The following FAT3 variants were observed in gnomAD, a reference collection of about 807,000 sequenced individuals.
FAT3 encodes protocadherin Fat 3.
A neutral mutation model predicts 310.2 loss-of-function variants in FAT3; 95 were observed. The ratio of observed to expected loss-of-function variants is 0.31; its 90% CI spans 0.26 to 0.36. The LOEUF (loss-of-function observed/expected upper bound fraction) is 0.36. Among genes scored for constraint, FAT3 ranks in the 10% least tolerant of loss-of-function variants. The pLI, the probability that FAT3 is intolerant of heterozygous loss-of-function variation, is 1.00. For synonymous variants in FAT3, 2,314 were observed against 2,192.9 expected (o/e 1.06, Z -1.54); for missense variants, 5,408 against 5,715.6 (o/e 0.95, Z 1.74).
rs183330814 is a variant in FAT3 at position 92,827,309 on chromosome 11, G to T, written c.9482-4313G>T. Among the ~76,000 whole-genome samples the T allele has an allele frequency of 5.9e-5, 9 of 152,278 alleles. No individual in the cohort carries two copies. The East Asian group carries it at 1.7e-3, about 29-fold the overall frequency. ...CCTTTGTTGATTCTGGCCCACTTAG[G>T]CCCAGGTCCAGCAACTTAATGAGCA... On this transcript the variant is annotated intron_variant, in intron 13 of 27. Coordinates refer to ENST00000525166, the MANE Select transcript of FAT3 (RefSeq NM_001367949.2).
Position 92,846,013 on chromosome 11 carries a change from A to C in FAT3, c.11365+1281A>C, listed in dbSNP as rs76113339. Among the ~76,000 whole-genome samples the C allele has an allele frequency of 1.3e-3, 204 of 152,338 alleles. 1 individual carries two copies. Among genetic ancestry groups the C allele is most frequent in the African/African-American group, 4.7e-3 (197 of 41,574 alleles). ...CTTGTTTAATATGTAAATTAGCTGC[A>C]AAGTAACTCAAAGCATGCATGCTAG... is the stretch of plus-strand genomic sequence containing the variant. On this transcript the variant is annotated intron_variant, in intron 19 of 27. Coordinates refer to ENST00000525166, the MANE Select transcript of FAT3 (RefSeq NM_001367949.2).
chr11:92,331,003 T>TGTGAGAGAGA (rs1280550527), intron 1 of FAT3, among the ~76,000 whole-genome samples: 27 of 133,562 alleles, frequency 2.0e-4, no homozygotes, highest in Admixed American at 1.7e-3. Context: ...TGTGTGTGTG[T>TGTGAGAGAGA]GAGAGAGAGA....
intron 7 of FAT3, among the ~76,000 whole-genome samples, chr11:92,776,623 C>T (rs997165844): frequency 2.0e-5 from 3 of 152,006 alleles, no homozygotes; most frequent in African/African-American, 7.3e-5. Context: ...TTATTTGTGG[C>T]TAGTATACAG....
chr11:92,402,586 A>G (rs1224170103), intron 2 of FAT3, among the ~76,000 whole-genome samples: 1 of 151,784 alleles, frequency 6.6e-6, no homozygotes, highest in Non-Finnish European at 1.5e-5. Context: ...CAAAAAAATT[A>G]GCTGGACATG....
At chr11:92,529,914 T>C (rs1353705572) in intron 3 of FAT3, among the ~76,000 whole-genome samples, 1 of 152,204 alleles carries the variant, frequency 6.6e-6, no homozygotes, top group Non-Finnish European at 1.5e-5. Flanking sequence ...GAGTAAAACA[T>C]AGTTTATGTG....
chr11:92,820,204 T>G (rs1447443612), intron 13 of FAT3, among the ~76,000 whole-genome samples: 1 of 152,174 alleles, frequency 6.6e-6, no homozygotes, highest in Non-Finnish European at 1.5e-5. Flanking sequence ...AGTCTGGGAA[T>G]TTAAGTTCAG....
intron 2 of FAT3, among the ~76,000 whole-genome samples, chr11:92,426,817 C>G (rs1378800204): frequency 6.6e-6 from 1 of 152,288 alleles, no homozygotes; most frequent in East Asian, 1.9e-4. Context: ...CATGATGCCT[C>G]CAGCTTCGTT....
In FAT3 at chr11:92,894,218, T is replaced by TATA. The variant is rs750510768; in HGVS notation, c.*3105_*3106insATA. Reference sequence around the variant, plus strand: ...AGGGGTTATAGAATTCATACATTTCTGTAGACATTCATCGAAATGCTGCTT... The same window carrying TATA: ...AGGGGTTATAGAATTCATACATTTCTATAGTAGACATTCATCGAAATGCTGCTT... On this transcript the variant is annotated 3_prime_UTR_variant, in exon 28 of 28. Transcript: ENST00000525166. 1.3e-5 allele frequency: 2 copies of TATA among 152,252 alleles called. No individual in the cohort carries two copies. Among genetic ancestry groups the TATA allele is most frequent in the Non-Finnish European group, 2.9e-5 (2 of 68,036 alleles). The allele number at this position is 152,252 out of a possible 1,614,324, so 9.4% of individuals were successfully genotyped here. A position where few individuals can be genotyped will look rare whatever the true frequency, so the allele number is the denominator to read the frequency against.
chr11:92,375,199 T>A (rs963217279), intron 2 of FAT3, among the ~76,000 whole-genome samples: 2 of 151,964 alleles, frequency 1.3e-5, no homozygotes, highest in Non-Finnish European at 2.9e-5. Context: ...AGTTGTGGGG[T>A]CATAGCTTAC....
At chr11:92,382,271 T>A (rs2134767382) in intron 2 of FAT3, among the ~76,000 whole-genome samples, 1 of 152,316 alleles carries the variant, frequency 6.6e-6, no homozygotes, top group Non-Finnish European at 1.5e-5. Flanking sequence ...ATTTCAGAAT[T>A]GGTGTTTAAA....
intron 1 of FAT3, among the ~76,000 whole-genome samples, chr11:92,265,990 G>A (rs1170173324): frequency 6.6e-6 from 1 of 152,054 alleles, no homozygotes; most frequent in Admixed American, 6.6e-5. Flanking sequence ...GCCTTTTCAA[G>A]TCCATCATTT....
chr11:92,244,784 A>G (rs1292550198), intron 1 of FAT3, among the ~76,000 whole-genome samples: 1 of 152,096 alleles, frequency 6.6e-6, no homozygotes, highest in East Asian at 1.9e-4. Flanking sequence ...ATGACCAGTG[A>G]TGATGAGCAT....
intron 3 of FAT3, among the ~76,000 whole-genome samples, chr11:92,570,249 C>T (rs945102181): frequency 6.6e-6 from 1 of 152,188 alleles, no homozygotes; most frequent in Admixed American, 6.5e-5. Flanking sequence ...GAGATTCAAA[C>T]TTTGTATCTC....
intron 2 of FAT3, among the ~76,000 whole-genome samples, chr11:92,397,207 T>C (rs2134844109): frequency 6.6e-6 from 1 of 152,076 alleles, no homozygotes; most frequent in East Asian, 1.9e-4. Flanking sequence ...GGTCTTTATA[T>C]ATATAAAAAA....
chr11:92,510,560 A>G (rs1280648580), intron 2 of FAT3, among the ~76,000 whole-genome samples: 2 of 152,158 alleles, frequency 1.3e-5, no homozygotes, highest in African/African-American at 4.8e-5. Context: ...TTGGAATCCT[A>G]TAAAAATGGG....
chr11:92,675,330 G>T (rs576838711), intron 3 of FAT3, among the ~76,000 whole-genome samples: 1 of 152,238 alleles, frequency 6.6e-6, no homozygotes, highest in South Asian at 2.1e-4. Flanking sequence ...ACTATATAGT[G>T]GTGAACTTCA....
At chr11:92,403,243 T>C (rs996338695) in intron 2 of FAT3, 2 of 152,200 alleles carry the variant, frequency 1.3e-5, no homozygotes, top group African/African-American at 4.8e-5. Context: ...TCTGTTTACA[T>C]TGATTTTGTA....
At chr11:92,452,224 A>G (rs1028215536) in intron 2 of FAT3, among the ~76,000 whole-genome samples, 20 of 152,202 alleles carry the variant, frequency 1.3e-4, no homozygotes, top group Non-Finnish European at 2.9e-5. Context: ...TCTCCTAATT[A>G]ACTCTGGATT....
At chr11:92,593,115 C>T (rs1459198290) in intron 3 of FAT3, among the ~76,000 whole-genome samples, 1 of 152,106 alleles carries the variant, frequency 6.6e-6, no homozygotes, top group Non-Finnish European at 1.5e-5. Context: ...AAGGTTTATC[C>T]ATGTTGTATG....
Sources: gnomAD v4.1 joint callset for allele counts (sites outside exome capture counted in the v4.1 genomes callset) on GRCh38, gnomAD v4.1.1 for gene constraint, MANE v1.5 for transcripts, NCBI Gene and HGNC (gene_info 2026-07-23, HGNC 2026-07-21) for gene names.